DPP10: variants seen among roughly 807,000 people sequenced by gnomAD.
DPP10 encodes the protein dipeptidyl peptidase like 10.
A neutral mutation model predicts 120.9 loss-of-function variants in DPP10; 33 were observed. The ratio of observed to expected loss-of-function variants is 0.27; its 90% CI spans 0.21 to 0.37. The LOEUF (loss-of-function observed/expected upper bound fraction) is 0.37. Ranked by LOEUF, DPP10 falls within the 10% of genes least tolerant of loss-of-function variation. DPP10 has a pLI of 1.00. For synonymous variants in DPP10, 337 were observed against 326.1 expected (o/e 1.03, Z -0.36); for missense variants, 816 against 942.8 (o/e 0.87, Z 1.76).
chr2:114,817,262 T>G (rs1477607431), intron 1 of DPP10, among the ~76,000 whole-genome samples: 1 of 150,274 alleles, frequency 6.7e-6, no homozygotes, highest in Non-Finnish European at 1.5e-5. Context: ...AGACAAAGAT[T>G]AGACCTATAG....
chr2:114,477,468 TATACAC>T (rs1680513043), intron 1 of DPP10, among the ~76,000 whole-genome samples: 1 of 151,546 alleles, frequency 6.6e-6, no homozygotes, highest in Non-Finnish European at 1.5e-5. Flanking sequence ...TATGCACACA[TATACAC>T]ATACATACAC....
chr2:114,659,083 C>T (rs1412201530), intron 1 of DPP10, among the ~76,000 whole-genome samples: 1 of 152,194 alleles, frequency 6.6e-6, no homozygotes, highest in Non-Finnish European at 1.5e-5. Flanking sequence ...CCTTCTTCCC[C>T]TTCTGCCATG....
At chr2:115,823,580 C>T (rs1169514816) in intron 21 of DPP10, among the ~76,000 whole-genome samples, 1 of 152,156 alleles carries the variant, frequency 6.6e-6, no homozygotes, top group Non-Finnish European at 1.5e-5. Context: ...TTATTTTTCA[C>T]GTTTCCAGCT....
At chr2:115,003,421 C>T (rs1912241) in intron 1 of DPP10, among the ~76,000 whole-genome samples, 59,231 of 151,658 alleles carry the variant, frequency 0.39, 11,753 homozygotes, top group South Asian at 0.53. Context: ...GTACTATGCT[C>T]ATTACATGGA....
At chr2:114,954,196 T>A (rs1698027668) in intron 1 of DPP10, among the ~76,000 whole-genome samples, 1 of 149,536 alleles carries the variant, frequency 6.7e-6, no homozygotes, top group African/African-American at 2.5e-5. Flanking sequence ...TTCTCCTGCC[T>A]CAGCCTCCTG....
intron 12 of DPP10, among the ~76,000 whole-genome samples, chr2:115,766,647 A>G (rs953355924): frequency 1.1e-4 from 16 of 152,138 alleles, no homozygotes; most frequent in African/African-American, 3.9e-4. Flanking sequence ...CAGGTAATGT[A>G]TGAAGAAAAG....
At chr2:115,675,148 G>A (rs1441332818) in intron 5 of DPP10, among the ~76,000 whole-genome samples, 3 of 152,000 alleles carry the variant, frequency 2.0e-5, no homozygotes, top group Admixed American at 6.6e-5. Context: ...TCATTACCTG[G>A]AAACTGAGGC....
intron 1 of DPP10, among the ~76,000 whole-genome samples, chr2:114,607,356 ATTTATGGGTG>A (rs954789382): frequency 6.6e-6 from 1 of 152,142 alleles, no homozygotes; most frequent in Non-Finnish European, 1.5e-5. Flanking sequence ...GATAAGGCAG[ATTTATGGGTG>A]TTTATGTGCC....
intron 1 of DPP10, among the ~76,000 whole-genome samples, chr2:114,654,715 C>A (rs1380007444): frequency 1.3e-5 from 2 of 151,954 alleles, no homozygotes; most frequent in Non-Finnish European, 2.9e-5. Context: ...TTGTCAGGAA[C>A]TGGGCTATGG....
intron 1 of DPP10, among the ~76,000 whole-genome samples, chr2:114,955,885 A>G (rs1698164488): frequency 6.6e-6 from 1 of 152,210 alleles, no homozygotes; most frequent in East Asian, 1.9e-4. Flanking sequence ...ATTTGACAAC[A>G]TTTAATATTT....
intron 13 of DPP10, among the ~76,000 whole-genome samples, chr2:115,769,791 T>C (rs1008474753): frequency 2.0e-5 from 3 of 152,028 alleles, no homozygotes; most frequent in Admixed American, 1.3e-4. Context: ...ACTAGCAAAT[T>C]ACTTTACTTT....
At chr2:115,626,731 T>TTAGACA (rs2085397620) in intron 5 of DPP10, among the ~76,000 whole-genome samples, 1 of 152,274 alleles carries the variant, frequency 6.6e-6, no homozygotes, top group South Asian at 2.1e-4. Flanking sequence ...TATAACCCTG[T>TTAGACA]TAGACATAGA....
chr2:115,613,829 A>G (rs977194197), intron 5 of DPP10, among the ~76,000 whole-genome samples: 3 of 152,200 alleles, frequency 2.0e-5, no homozygotes, highest in African/African-American at 7.2e-5. Context: ...GGGATAAGGA[A>G]GAAAAGGTAC....
At chr2:115,802,469 C>A (rs1685379080) in intron 19 of DPP10, among the ~76,000 whole-genome samples, 1 of 152,068 alleles carries the variant, frequency 6.6e-6, no homozygotes, top group South Asian at 2.1e-4. Flanking sequence ...TTGCCTTCTG[C>A]TAGCTTTTGA....
At chr2:114,497,409 A>ATATG (rs1194091842) in intron 1 of DPP10, among the ~76,000 whole-genome samples, 7 of 110,022 alleles carry the variant, frequency 6.4e-5, no homozygotes, top group African/African-American at 1.9e-4. Flanking sequence ...ATACATATAC[A>ATATG]CATACATATG....
intron 1 of DPP10, among the ~76,000 whole-genome samples, chr2:114,881,594 G>GTCTATCTATCTATCTA (rs1275608532): frequency 3.4e-4 from 33 of 96,220 alleles, no homozygotes; most frequent in Non-Finnish European, 2.7e-5. Context: ...CTGTCTGTCT[G>GTCTATCTATCTATCTA]TCTGTCTATC....
At chr2:115,420,858 A>G (rs951630968) in intron 3 of DPP10, among the ~76,000 whole-genome samples, 51 of 152,300 alleles carry the variant, frequency 3.3e-4, no homozygotes, top group African/African-American at 1.2e-3. Context: ...AAGAACACAG[A>G]GGAAAATATC....
chr2:115,482,570 ACTTT>A (rs1168136833), intron 3 of DPP10, among the ~76,000 whole-genome samples: 2 of 151,960 alleles, frequency 1.3e-5, no homozygotes, highest in Non-Finnish European at 2.9e-5. Flanking sequence ...TCACTAATCT[ACTTT>A]CTATTTCTAT....
chr2:114,633,248 C>CTTTTTTTTTTTTTTTTTTTTTTTTTTTT (rs35372708), intron 1 of DPP10, among the ~76,000 whole-genome samples: 1 of 72,810 alleles, frequency 1.4e-5, no homozygotes, highest in East Asian at 4.1e-4. Flanking sequence ...GTTTTTCTTT[C>CTTTTTTTTTTTTTTTTTTTTTTTTTTTT]TTTTTTTTTT....
Sources: gnomAD v4.1 joint callset for allele counts (sites outside exome capture counted in the v4.1 genomes callset) on GRCh38, gnomAD v4.1.1 for gene constraint, MANE v1.5 for transcripts, NCBI Gene and HGNC (gene_info 2026-07-23, HGNC 2026-07-21) for gene names.